Variants in DGKD observed in about 807,000 individuals in gnomAD.
The protein encoded by DGKD is DAG kinase delta.
A neutral mutation model predicts 154.4 loss-of-function variants in DGKD; 68 were observed. The observed-to-expected ratio is 0.44, with a 90% CI of 0.36 to 0.54. The LOEUF (loss-of-function observed/expected upper bound fraction) is 0.54, where lower values mean the gene tolerates loss of function less well. Among genes scored for constraint, DGKD ranks in the 20% least tolerant of loss-of-function variants. The pLI is 0.00. For synonymous variants in DGKD, 693 were observed against 638.0 expected (o/e 1.09, Z -1.30); for missense variants, 1,343 against 1,593.6 (o/e 0.84, Z 2.68).
At chr2:233,372,411 C>A (rs1702367214) in intron 1 of DGKD, among the ~76,000 whole-genome samples, 1 of 152,066 alleles carries the variant, frequency 6.6e-6, no homozygotes, top group Non-Finnish European at 1.5e-5. Context: ...TCATTAAATC[C>A]AGTCTCATTT....
chr2:233,464,882 T>G (rs924799939), intron 27 of DGKD, among the ~76,000 whole-genome samples: 4 of 152,172 alleles, frequency 2.6e-5, no homozygotes, highest in African/African-American at 7.2e-5. Flanking sequence ...GCTTCAGAGA[T>G]AGAACACAGA....
At chr2:233,359,782 G>A (rs903623598) in intron 1 of DGKD, among the ~76,000 whole-genome samples, 1 of 152,070 alleles carries the variant, frequency 6.6e-6, no homozygotes, top group Non-Finnish European at 1.5e-5. Context: ...GTATCTTATT[G>A]AGTAACAACA....
rs756782908 is a variant in DGKD at position 233,448,193 on chromosome 2, G to A, written c.1514+12G>A. ...ATCTCCTCGGCCAAGTGAGTGCCTG[G>A]TGGCCCTGGGGAGGGCATGGTGCCC... On this transcript the variant is annotated intron_variant, in intron 13 of 29. Transcript: ENST00000264057. 6.4e-5 allele frequency: 104 copies of A among 1,614,056 alleles called. 1 individual carries two copies. The South Asian group carries it at 1.0e-3, about 16-fold the overall frequency.
chr2:233,388,600 GGGAA>G, intron 2 of DGKD: 1 of 385,150 alleles, frequency 2.6e-6, no homozygotes, highest in East Asian at 4.1e-5. Context: ...ATCGGTAATG[GGGAA>G]AAGGAAAAAA....
chr2:233,380,679 T>TG (rs942955472), intron 1 of DGKD, among the ~76,000 whole-genome samples: 51 of 151,664 alleles, frequency 3.4e-4, no homozygotes, highest in Admixed American at 1.4e-3. Flanking sequence ...TGTGTGTGTG[T>TG]GGGGGGGTGT....
rs2063031416 is a variant in DGKD, at chr2:233,445,372, G to GAC, written c.1195-251_1195-250insAC. Among the ~76,000 whole-genome samples, 1 of 152,156 alleles carries GAC rather than the reference G, an allele frequency of 6.6e-6. No individual in the cohort carries two copies. The highest frequency in any genetic ancestry group is 2.1e-4 in the South Asian group (1 of 4,818). Reference sequence around the variant, plus strand: ...GTGATGACAGCTGAGAGATGGACCTGTGGCTCATCCATTTCTCCCAGAAGC... The same window carrying GAC: ...GTGATGACAGCTGAGAGATGGACCTGACTGGCTCATCCATTTCTCCCAGAAGC... On this transcript the variant is annotated intron_variant, in intron 10 of 29. Coordinates refer to ENST00000264057, the MANE Select transcript of DGKD (RefSeq NM_152879.3). This position sits in a 1 kb window ranked among gnomAD's most constrained non-coding sequence, Gnocchi z 5.5.
intron 1 of DGKD, among the ~76,000 whole-genome samples, chr2:233,374,561 C>T (rs895018386): frequency 6.6e-6 from 1 of 152,092 alleles, no homozygotes; most frequent in Non-Finnish European, 1.5e-5. Flanking sequence ...TCTTGAACTC[C>T]TGGGCACAAG....
intron 3 of DGKD, among the ~76,000 whole-genome samples, chr2:233,424,581 C>CA (rs1023012527): frequency 5.9e-5 from 9 of 152,196 alleles, no homozygotes; most frequent in African/African-American, 2.2e-4. Context: ...TGGTGAGTGC[C>CA]AGTTGCTTCC....
chr2:233,377,770 C>T (rs895556102), intron 1 of DGKD, among the ~76,000 whole-genome samples: 20 of 152,072 alleles, frequency 1.3e-4, no homozygotes, highest in African/African-American at 1.2e-4. Flanking sequence ...CCTGTCTCCC[C>T]GTTGCCATAG....
intron 16 of DGKD, 66 bp from the exon 17 acceptor site, chr2:233,450,855 AG>A: frequency 6.5e-7 from 1 of 1,548,444 alleles, no homozygotes; most frequent in Non-Finnish European, 8.8e-7. Flanking sequence ...CGTGTCGCTA[AG>A]GACCCCCCAG....
At chr2:233,467,237 G>A (rs755460540) in intron 28 of DGKD, 34 bp downstream of exon 28, 26 of 1,462,342 alleles carry the variant, frequency 1.8e-5, no homozygotes, top group Non-Finnish European at 2.3e-5. Flanking sequence ...GTTTCTGGCC[G>A]TCCACGCCTG....
At chr2:233,366,133 G>A (rs1702016484) in intron 1 of DGKD, among the ~76,000 whole-genome samples, 1 of 152,222 alleles carries the variant, frequency 6.6e-6, no homozygotes. Flanking sequence ...GGAGCCTTTG[G>A]TTGGGATCTG....
At chr2:233,414,228 A>G (rs539498749) in intron 3 of DGKD, among the ~76,000 whole-genome samples, 2 of 152,354 alleles carry the variant, frequency 1.3e-5, no homozygotes, top group Admixed American at 6.5e-5. Flanking sequence ...TGCTGTGGCT[A>G]CAGACTGCAT....
At chr2:233,423,228 G>A (rs1156982201) in intron 3 of DGKD, among the ~76,000 whole-genome samples, 5 of 151,702 alleles carry the variant, frequency 3.3e-5, no homozygotes, top group African/African-American at 1.2e-4. Context: ...TCCTGGGTAG[G>A]TTTCGGTGCA....
intron 1 of DGKD, among the ~76,000 whole-genome samples, chr2:233,383,038 T>C (rs1702981296): frequency 6.6e-6 from 1 of 151,184 alleles, no homozygotes; most frequent in Admixed American, 6.6e-5. Flanking sequence ...TTTTCTTTCT[T>C]TCTTTCTTTT....
In DGKD at chr2:233,356,070, T is replaced by C. The variant is rs545938527; in HGVS notation, c.156+1396T>C. 9.2e-5 allele frequency among the ~76,000 whole-genome samples: 14 copies of C among 152,246 alleles called. No individual in the cohort carries two copies. In the East Asian group the frequency reaches 2.5e-3, roughly 27 times the overall value. On this transcript the variant is annotated intron_variant, in intron 1 of 29. Transcript: ENST00000264057. ...CTGTGCACCTGACATGACAACATTG[T>C]AAGTGCCGCGGAAACTCGGGGCAGA...
At chr2:233,463,216 C>T (rs1394141828) in intron 26 of DGKD, among the ~76,000 whole-genome samples, 1 of 152,130 alleles carries the variant, frequency 6.6e-6, no homozygotes, top group Non-Finnish European at 1.5e-5. Flanking sequence ...AACTGGAGAA[C>T]CGCCCCAGGT....
rs2062632058 is a variant in DGKD, at chr2:233,434,688, T to C, written c.454-81T>C. On this transcript the variant is annotated intron_variant, in intron 4 of 29. Transcript: ENST00000264057. ...TCCTCCTCTCCTCTCTTGGATACTT[T>C]GTTTAATCTTGTCCAAGTTACTGCA... The C allele has an allele frequency of 4.5e-6, 7 of 1,564,790 alleles. No individual in the cohort carries two copies. The South Asian group carries it at 7.2e-5, about 16-fold the overall frequency.
rs1350737293 is a variant in DGKD at position 233,354,533 on chromosome 2, G to A, written c.15G>A (p.Ala5=). The A allele has an allele frequency of 2.0e-6, 2 of 992,086 alleles. No homozygotes were observed. Among genetic ancestry groups the A allele is most frequent in the Admixed American group, 6.3e-5 (1 of 15,814 alleles). 61.5% of individuals were successfully genotyped at this position (992,086 alleles called of 1,614,324 possible). The change falls in exon 1 of 30, where the codon GCG becomes GCA. Residue 5 remains alanine (A), a synonymous_variant. Coordinates refer to ENST00000264057, the MANE Select transcript of DGKD (RefSeq NM_152879.3). The surrounding 1 kb of genome is among the most constrained non-coding windows in gnomAD (Gnocchi z 4.8). ...GGCCCGGCAGCATGGCGGCGGCGGCGGGCGCCCCTCCGCCGGGTCCCCCGC... is the reference window on the plus strand; with the variant it reads ...GGCCCGGCAGCATGGCGGCGGCGGCAGGCGCCCCTCCGCCGGGTCCCCCGC... MAAA[A]GAPPPGPPQP...
Sources: gnomAD v4.1 joint callset for allele counts (sites outside exome capture counted in the v4.1 genomes callset) on GRCh38, gnomAD v4.1.1 for gene constraint, Gnocchi (gnomAD v3.1) non-coding constraint, MANE v1.5 for transcripts, NCBI Gene and HGNC (gene_info 2026-07-23, HGNC 2026-07-21) for gene names.